PRDM8: variants seen among roughly 807,000 people sequenced by gnomAD.
The protein encoded by PRDM8 is PR/SET domain 8, also known as PR domain zinc finger protein 8.
In PRDM8, 13 loss-of-function variants were observed where a neutral mutation model predicts 46.5. The ratio of observed to expected loss-of-function variants is 0.28; its 90% CI spans 0.18 to 0.44. PRDM8 has a LOEUF of 0.44. PRDM8 is among the 20% of genes least tolerant of loss of function. The probability of loss-of-function intolerance (pLI) is 1.00; values close to 1 mark genes in which losing one functional copy is unlikely to be tolerated. For synonymous variants in PRDM8, 473 were observed against 438.4 expected, an observed-to-expected ratio of 1.08 and a Z score of -0.98; for missense variants, 998 against 955.0, an observed-to-expected ratio of 1.04 and a Z score of -0.59.
intron 1 of PRDM8, among the ~76,000 whole-genome samples, 188 bp downstream of exon 1, chr4:80,197,951 C>G (rs1718129847): frequency 6.6e-6 from 1 of 152,152 alleles, no homozygotes; most frequent in Non-Finnish European, 1.5e-5. Context: ...CCGGAGAAGC[C>G]GGAGACTGGG....
In PRDM8 at chr4:80,200,061, C is replaced by CTGTG. The variant is rs747593406; in HGVS notation, c.-2-14_-2-11dup. Reference sequence around the variant, plus strand: ...CAGTAACATAACTCACTTTCTTGTGCTGTGTGTCTATCTCCAGTGATGGAG... The same window carrying CTGTG: ...CAGTAACATAACTCACTTTCTTGTGCTGTGTGTGTGTCTATCTCCAGTGATGGAG... On this transcript the variant is annotated splice_polypyrimidine_tract_variant and intron_variant, in intron 1 of 3. Transcript: ENST00000415738. The CTGTG allele has an allele frequency of 9.4e-6, 15 of 1,591,094 alleles. No homozygotes were observed. Among genetic ancestry groups the CTGTG allele is most frequent in the South Asian group, 6.6e-5 (6 of 90,572 alleles).
rs772750276 is a variant in PRDM8 at position 80,203,576 on chromosome 4, A to G, written c.*44A>G. ...TTTCCACGCGCGCGCAAGCACAGTT[A>G]AGCCACCTGCAGGAATAAACACGCG... On this transcript the variant is annotated 3_prime_UTR_variant, in exon 4 of 4. Coordinates refer to ENST00000415738, the MANE Select transcript of PRDM8 (RefSeq NM_001099403.2). 14 of 1,547,606 alleles carry G rather than the reference A, an allele frequency of 9.0e-6. No individual in the cohort carries two copies. The highest frequency in any genetic ancestry group is 1.2e-5 in the Non-Finnish European group (14 of 1,144,876).
At chr4:80,200,347 T>G (rs745779368) in intron 2 of PRDM8, 48 bp downstream of exon 2, 2 of 1,492,074 alleles carry the variant, frequency 1.3e-6, no homozygotes, top group South Asian at 2.3e-5. Context: ...AATGTCCTGT[T>G]GGAAATGGAC....
chr4:80,201,566 G>A (rs951383899), intron 3 of PRDM8, 45 bp downstream of exon 3: 2 of 1,578,248 alleles, frequency 1.3e-6, no homozygotes, highest in Admixed American at 1.7e-5. Flanking sequence ...ACTAGCGGGG[G>A]AGAGACGCAG....
chr4:80,202,224 C>T lies in PRDM8; in HGVS notation c.762C>T (p.Ser254=), dbSNP rs142234659. 0.067 allele frequency: 107,901 copies of T among 1,611,880 alleles called. 4,157 individuals carry two copies. The highest frequency in any genetic ancestry group is 0.078 in the Non-Finnish European group (92,324 of 1,179,670). The change falls in exon 4 of 4, where the codon AGC becomes AGT. Residue 254 remains serine, a synonymous_variant. Transcript: ENST00000415738. ...SNPSAAAGGS[S]AKPSTDFHNL... ...CATCCGCTGCCGCCGGCGGCAGCAG[C>T]GCGAAGCCATCCACAGACTTCCACA...
At chr4:80,195,928 CAGAGAGAGAGAGAG>C, upstream of PRDM8, 1 of 137,398 alleles carries the variant, frequency 7.3e-6, no homozygotes, top group Non-Finnish European at 1.3e-5. Flanking sequence ...CACACACACA[CAGAGAGAGAGAGAG>C]AGAGAGAGAG....
chr4:80,203,701 C>A lies in PRDM8; in HGVS notation c.*169C>A. On this transcript the variant is annotated 3_prime_UTR_variant, in exon 4 of 4. Transcript: ENST00000415738. ...AACGCGCACACACACGTCCTCTCCT[C>A]CCAGGAACCTCATTCAAATATTTAC... The A allele has an allele frequency of 8.4e-7, 1 of 1,184,612 alleles. No homozygotes were observed. The highest frequency in any genetic ancestry group is 1.1e-6 in the Non-Finnish European group (1 of 887,586). The allele number at this position is 1,184,612 out of a possible 1,614,324, so 73.4% of individuals were successfully genotyped here.
At chr4:80,186,776 T>C (rs1296165068) in intron 1 of PRDM8, among the ~76,000 whole-genome samples, 1 of 152,212 alleles carries the variant, frequency 6.6e-6, no homozygotes. Context: ...TGTTTTACAA[T>C]TGTTGTATCA....
intron 1 of PRDM8, chr4:80,190,086 G>C (rs568378406): frequency 6.6e-6 from 1 of 152,232 alleles, no homozygotes. Flanking sequence ...CTAGGTCATC[G>C]GCAGCCCAGC....
chr4:80,185,938 G>C (rs573578083), intron 1 of PRDM8, among the ~76,000 whole-genome samples: 1 of 152,314 alleles, frequency 6.6e-6, no homozygotes, highest in African/African-American at 2.4e-5. Flanking sequence ...ACGGACGTCC[G>C]AGGCTGCTGC....
chr4:80,196,446 G>C (rs1737966180), upstream of PRDM8: 1 of 985,334 alleles, frequency 1.0e-6, no homozygotes, highest in Admixed American at 6.1e-5. Context: ...GGCTGTTAAA[G>C]ACCTCAAGTC....
intron 1 of PRDM8, among the ~76,000 whole-genome samples, chr4:80,188,165 C>A (rs1737269503): frequency 6.6e-6 from 1 of 152,152 alleles, no homozygotes; most frequent in South Asian, 2.1e-4. Context: ...TCTTGTTTCT[C>A]TCCAAAGAGG....
At chr4:80,186,233 AG>A (rs1273224734) in intron 1 of PRDM8, among the ~76,000 whole-genome samples, 1 of 152,014 alleles carries the variant, frequency 6.6e-6, no homozygotes, top group Non-Finnish European at 1.5e-5. Flanking sequence ...TTACTTTCAG[AG>A]GCCTCCCTAC....
intron 1 of PRDM8, among the ~76,000 whole-genome samples, chr4:80,187,314 T>A (rs1300474585): frequency 2.0e-5 from 3 of 151,318 alleles, no homozygotes; most frequent in African/African-American, 7.3e-5. Context: ...AATGTCCTCT[T>A]AGTTGATGGG....
chr4:80,201,959 T>C lies in PRDM8; in HGVS notation c.497T>C (p.Phe166Ser). ...TCLECSQRFQ[F>S]EFPYVAHLRF... ...CTGGAATGCAGCCAACGTTTCCAGT[T>C]TGAGTTCCCCTATGTGGCGCATCTG... is the stretch of plus-strand genomic sequence containing the variant. Residue 166 changes from phenylalanine (F) to serine (S), a missense_variant, in exon 4 of 4, where the codon TTT (phenylalanine) becomes TCT (serine). Physicochemically the swap from Phe to Ser is radical, Grantham distance 155 (BLOSUM62 -2). Coordinates refer to ENST00000415738, the MANE Select transcript of PRDM8 (RefSeq NM_001099403.2). 1 of 1,613,956 alleles carries C rather than the reference T, an allele frequency of 6.2e-7. No individual in the cohort carries two copies. Among genetic ancestry groups the C allele is most frequent in the South Asian group, 1.1e-5 (1 of 91,084 alleles).
In PRDM8 at chr4:80,202,974, A is replaced by G. The variant is rs2109879892; in HGVS notation, c.1512A>G (p.Pro504=). ...AGCGCAAAAGCGCCTTCTCGCAGCC[A>G]GCACGCTCTTTCTCGCAGCTGTCCC... ...SDERKSAFSQ[P]ARSFSQLSPL... Residue 504 remains proline (P), a synonymous_variant, in exon 4 of 4, where the codon CCA becomes CCG. Coordinates refer to ENST00000415738, the MANE Select transcript of PRDM8 (RefSeq NM_001099403.2). 2.7e-6 allele frequency: 4 copies of G among 1,499,974 alleles called. No individual in the cohort carries two copies. Among genetic ancestry groups the G allele is most frequent in the Non-Finnish European group, 3.5e-6 (4 of 1,133,076 alleles). 92.9% of individuals were successfully genotyped at this position (1,499,974 alleles called of 1,614,324 possible). A position where few individuals can be genotyped will look rare whatever the true frequency, so the allele number is the denominator to read the frequency against.
rs1738328159 is a variant in PRDM8 at position 80,200,188 on chromosome 4, TG to T, written c.109del (p.Glu37ArgfsTer10). ...GCGTTTACACCACCTGCGACATCCC[TG>T]AGAATGCTATATTTGGTCCCTGTGT... The part of the protein sequence containing the change: ...TSVYTTCDIP[E>X]NAIFGPCVLS... On this transcript the variant is annotated frameshift_variant, in exon 2 of 4. Coordinates refer to ENST00000415738, the MANE Select transcript of PRDM8 (RefSeq NM_001099403.2). LOFTEE classifies it high-confidence loss of function. 7.4e-6 allele frequency: 12 copies of T among 1,611,228 alleles called. No individual in the cohort carries two copies. Among genetic ancestry groups the T allele is most frequent in the Non-Finnish European group, 8.5e-6 (10 of 1,177,438 alleles).
rs762888947 is a variant in PRDM8, at chr4:80,203,113, G to A, written c.1651G>A (p.Gly551Arg). ...AADPLAVKLQ[G>R]AADLNGGCGS... ...GGACCCTCTAGCGGTGAAGCTCCAG[G>A]GGGCCGCGGACCTGAACGGAGGTTG... The change falls in exon 4 of 4, where the codon GGG becomes AGG. Residue 551 changes from glycine to arginine, a missense_variant. Gly to Arg is a moderately radical substitution (Grantham distance 125). Coordinates refer to ENST00000415738, the MANE Select transcript of PRDM8 (RefSeq NM_001099403.2). The A allele has an allele frequency of 8.9e-6, 14 of 1,569,374 alleles. No homozygotes were observed. In the East Asian group the frequency reaches 3.3e-4, roughly 37 times the overall value.
rs1738816155 is a variant in PRDM8 at position 80,204,248 on chromosome 4, C to T, written c.*716C>T. 1 of 152,602 alleles carries T rather than the reference C, an allele frequency of 6.6e-6. No homozygotes were observed. The highest frequency in any genetic ancestry group is 1.5e-5 in the Non-Finnish European group (1 of 68,038). The allele number at this position is 152,602 out of a possible 1,614,324, so 9.5% of individuals were successfully genotyped here. On this transcript the variant is annotated 3_prime_UTR_variant, in exon 4 of 4. Coordinates refer to ENST00000415738, the MANE Select transcript of PRDM8 (RefSeq NM_001099403.2). ...GAATAGTTATGTGTTTCTTTTATCC[C>T]TGGAAATATTTATTAAACTTTATAG...
Sources: allele counts gnomAD v4.1 joint callset (sites outside exome capture counted in the v4.1 genomes callset), GRCh38; gene constraint gnomAD v4.1.1; transcripts MANE v1.5; gene names NCBI Gene and HGNC (gene_info 2026-07-23, HGNC 2026-07-21).